TRPM7: variants seen among roughly 807,000 people sequenced by gnomAD.
TRPM7 encodes LTRPC ion channel family member 7.
Under a neutral mutation model 229.7 loss-of-function variants are expected in TRPM7, and 134 were observed. That is an observed-to-expected ratio of 0.58 (90% CI 0.51 to 0.67). The LOEUF (loss-of-function observed/expected upper bound fraction) is 0.67. Among genes scored for constraint, TRPM7 ranks in the 30% least tolerant of loss-of-function variants. The pLI is 0.00. For synonymous variants in TRPM7, 699 were observed against 715.2 expected (o/e 0.98, Z 0.36); for missense variants, 1,901 against 2,210.0 (o/e 0.86, Z 2.80).
intron 10 of TRPM7, among the ~76,000 whole-genome samples, chr15:50,628,626 C>G (rs1031645751): frequency 2.0e-5 from 3 of 152,148 alleles, no homozygotes; most frequent in African/African-American, 7.2e-5. Flanking sequence ...TGACATCTCC[C>G]CACCATTCTT....
intron 21 of TRPM7, among the ~76,000 whole-genome samples, chr15:50,603,195 G>A (rs945746190): frequency 3.3e-5 from 5 of 152,116 alleles, no homozygotes; most frequent in South Asian, 4.1e-4. Context: ...ACAGTGCAGC[G>A]TGAAAGTGCA....
In TRPM7 at chr15:50,620,634, A is replaced by G. The variant is rs538799065; in HGVS notation, c.1441-836T>C. 2.0e-5 allele frequency among the ~76,000 whole-genome samples: 3 copies of G among 152,262 alleles called. No individual in the cohort carries two copies. In the East Asian group the frequency reaches 5.8e-4, roughly 29 times the overall value. ...CTTTACTTTGCTCTGCCTTCTTTTT[A>G]CAATATTTATTTAGGGCTGGGCGCG... On this transcript the variant is annotated intron_variant, in intron 12 of 38. Coordinates refer to ENST00000646667, the MANE Select transcript of TRPM7 (RefSeq NM_017672.6).
At chr15:50,614,459 T>C (rs2060156686) in intron 13 of TRPM7, among the ~76,000 whole-genome samples, 196 bp from the exon 14 acceptor site, 1 of 151,962 alleles carries the variant, frequency 6.6e-6, no homozygotes, top group African/African-American at 2.4e-5. Flanking sequence ...GAGGTCGAGT[T>C]TGAGATCAGC....
intron 19 of TRPM7, among the ~76,000 whole-genome samples, chr15:50,608,904 AC>A (rs1292203303): frequency 6.6e-6 from 1 of 152,210 alleles, no homozygotes; most frequent in Non-Finnish European, 1.5e-5. Flanking sequence ...GGAAAGTAGC[AC>A]CAGCAAGACA....
At chr15:50,625,329 C>T (rs1229826439) in intron 11 of TRPM7, among the ~76,000 whole-genome samples, 1 of 152,154 alleles carries the variant, frequency 6.6e-6, no homozygotes, top group African/African-American at 2.4e-5. Flanking sequence ...TACACAACTT[C>T]TCTAGAGCAA....
chr15:50,605,276 A>T, intron 20 of TRPM7, 132 bp from the exon 21 acceptor site: 1 of 834,158 alleles, frequency 1.2e-6, no homozygotes. Context: ...TTTGAGACAG[A>T]GTCTCGCTCT....
At chr15:50,680,558 G>C (rs1304567449) in intron 1 of TRPM7, among the ~76,000 whole-genome samples, 2 of 147,974 alleles carry the variant, frequency 1.4e-5, no homozygotes, top group African/African-American at 5.0e-5. Context: ...GACAGAGAGA[G>C]ACACTTGTCT....
chr15:50,656,015 A>C (rs1235781865), intron 3 of TRPM7, among the ~76,000 whole-genome samples: 1 of 151,982 alleles, frequency 6.6e-6, no homozygotes, highest in East Asian at 1.9e-4. Context: ...AAAACAAAAA[A>C]AAAAAACCCC....
intron 38 of TRPM7, among the ~76,000 whole-genome samples, chr15:50,565,387 T>C (rs1304998469): frequency 2.6e-5 from 4 of 152,072 alleles, no homozygotes; most frequent in Non-Finnish European, 5.9e-5. Flanking sequence ...GTGTATGTTT[T>C]GAAAAAAAGA....
At chr15:50,602,140 C>T (rs952490592) in intron 21 of TRPM7, among the ~76,000 whole-genome samples, 1 of 151,980 alleles carries the variant, frequency 6.6e-6, no homozygotes, top group African/African-American at 2.4e-5. Flanking sequence ...ACCCAAATGT[C>T]CGTCAATGAT....
chr15:50,604,576 GAAAA>G (rs376885628), intron 21 of TRPM7: 12 of 77,358 alleles, frequency 1.6e-4, no homozygotes, highest in East Asian at 7.0e-4. Context: ...GTCTCAAAAA[GAAAA>G]AAAAAAAAAA....
Position 50,575,939 on chromosome 15 carries a change from A to C in TRPM7, c.4619-20T>G. On this transcript the variant is annotated intron_variant, in intron 31 of 38. Transcript: ENST00000646667. ...TGAGACCTAGAATGGCAAATAAACA[A>C]ACGAGACCATTTAAAAAGTACTAGT... 6.2e-7 allele frequency: 1 copy of C among 1,610,988 alleles called. No homozygotes were observed. The highest frequency in any genetic ancestry group is 8.5e-7 in the Non-Finnish European group (1 of 1,178,990).
chr15:50,679,329 T>C (rs1276443518), intron 1 of TRPM7, among the ~76,000 whole-genome samples: 1 of 139,252 alleles, frequency 7.2e-6, no homozygotes, highest in Non-Finnish European at 1.6e-5. Flanking sequence ...AGCAAAACAC[T>C]ATCCAAAAAA....
chr15:50,566,084 C>A (rs1408204722), intron 38 of TRPM7, among the ~76,000 whole-genome samples: 2 of 151,958 alleles, frequency 1.3e-5, no homozygotes, highest in South Asian at 4.1e-4. Context: ...CTCGGCCTCC[C>A]AAAGTGCTGG....
chr15:50,668,176 G>A (rs2061923089), intron 1 of TRPM7, among the ~76,000 whole-genome samples: 2 of 152,148 alleles, frequency 1.3e-5, no homozygotes, highest in Admixed American at 1.3e-4. Flanking sequence ...TTAAATGCAG[G>A]TTTCTGATAA....
At chr15:50,626,705 T>A (rs1342991459) in intron 11 of TRPM7, among the ~76,000 whole-genome samples, 1 of 152,096 alleles carries the variant, frequency 6.6e-6, no homozygotes, top group Non-Finnish European at 1.5e-5. Context: ...CACAGATGAT[T>A]AACATTAATT....
At chr15:50,618,608 T>TAAAC (rs1555417009) in intron 13 of TRPM7, among the ~76,000 whole-genome samples, 1 of 102,762 alleles carries the variant, frequency 9.7e-6, no homozygotes, top group African/African-American at 3.3e-5. Context: ...AATAAATAAA[T>TAAAC]AAATAAACGT....
intron 38 of TRPM7, 24 bp downstream of exon 38, chr15:50,569,863 T>A (rs772088828): frequency 1.3e-6 from 2 of 1,516,588 alleles, no homozygotes. Context: ...ATTTATATAC[T>A]ATACTGATTA....
chr15:50,614,253 G>A lies in TRPM7; in HGVS notation c.1505C>T (p.Pro502Leu). 6.3e-7 allele frequency: 1 copy of A among 1,596,354 alleles called. No homozygotes were observed. The highest frequency in any genetic ancestry group is 8.5e-7 in the Non-Finnish European group (1 of 1,174,744). The change falls in exon 14 of 39, where the codon CCT becomes CTT. Residue 502 changes from proline to leucine, a missense_variant. Pro to Leu is a moderately conservative substitution (Grantham distance 98). Transcript: ENST00000646667. ...AATCAGAGTGATCTTATATCCTGGAGGAAGATTTCCCTAGAAACAAAACAT... is the reference window on the plus strand; with the variant it reads ...AATCAGAGTGATCTTATATCCTGGAAGAAGATTTCCCTAGAAACAAAACAT... ...LVRDVKQGNLPPGYKITLIDI... is the reference protein window; with the variant it reads ...LVRDVKQGNLLPGYKITLIDI...
Sources: gnomAD v4.1 joint callset for allele counts (sites outside exome capture counted in the v4.1 genomes callset) on GRCh38, gnomAD v4.1.1 for gene constraint, MANE v1.5 for transcripts, NCBI Gene and HGNC (gene_info 2026-07-23, HGNC 2026-07-21) for gene names.